WDPCP: variants seen among roughly 807,000 people sequenced by gnomAD.
The protein encoded by WDPCP is WD repeat-containing and planar cell polarity effector protein fritz homolog.
Under a neutral mutation model 93.1 loss-of-function variants are expected in WDPCP, and 71 were observed. The observed-to-expected ratio is 0.76, with a 90% CI of 0.63 to 0.93. WDPCP has a LOEUF of 0.93. Ranked by LOEUF, WDPCP falls within the 40% of genes least tolerant of loss-of-function variation. The probability of loss-of-function intolerance (pLI) is 0.00; values close to 1 mark genes in which losing one functional copy is unlikely to be tolerated. For missense variants in WDPCP, 844 were observed against 887.4 expected, an observed-to-expected ratio of 0.95 and a Z score of 0.62; for synonymous variants, 315 against 315.0, an observed-to-expected ratio of 1.00 and a Z score of 0.00.
At chr2:63,635,845 G>C (rs1047104600) in intron 3 of WDPCP, among the ~76,000 whole-genome samples, 3 of 152,122 alleles carry the variant, frequency 2.0e-5, no homozygotes, top group Non-Finnish European at 4.4e-5. Context: ...CATAGTACTG[G>C]AAGTCCTAGC....
intron 1 of WDPCP, among the ~76,000 whole-genome samples, chr2:63,520,896 CA>C (rs3051721): frequency 0.54 from 53,375 of 99,722 alleles, 13,389 homozygotes; most frequent in African/African-American, 0.75. Flanking sequence ...GACCCTATCT[CA>C]AAAAAAAAAA....
At chr2:63,124,753 G>A (rs1669776180) in intron 17 of WDPCP, among the ~76,000 whole-genome samples, 2 of 152,110 alleles carry the variant, frequency 1.3e-5, no homozygotes. Flanking sequence ...TCCCTAATCT[G>A]AAATTGTTTT....
In WDPCP at chr2:63,671,874, T is replaced by C. The variant is rs567122070; in HGVS notation, n.309-21036A>G. 3.9e-5 allele frequency among the ~76,000 whole-genome samples: 6 copies of C among 152,264 alleles called. No individual in the cohort carries two copies. The South Asian group carries it at 1.2e-3, about 32-fold the overall frequency. On this transcript the variant is annotated intron_variant and non_coding_transcript_variant, in intron 2 of 4. Coordinates refer to the WDPCP transcript ENST00000467687. ...TTATACTAACAGACCCTTACCATGC[T>C]CTGAGTGTGATGTAAACACTTCGGT... is the stretch of plus-strand genomic sequence containing the variant.
At chr2:63,463,510 A>G (rs1699154004) in intron 6 of WDPCP, among the ~76,000 whole-genome samples, 1 of 152,216 alleles carries the variant, frequency 6.6e-6, no homozygotes, top group African/African-American at 2.4e-5. Context: ...CTGACTGGGA[A>G]TATCAAGGGC....
At position 63,711,914 on chromosome 2, in the gene WDPCP, C is replaced by G. The variant is rs1440550950; in HGVS notation, n.309-61076G>C. 2.0e-5 allele frequency among the ~76,000 whole-genome samples: 3 copies of G among 152,212 alleles called. No homozygotes were observed. The East Asian group carries it at 5.8e-4, about 29-fold the overall frequency. On this transcript the variant is annotated intron_variant and non_coding_transcript_variant, in intron 2 of 4. Transcript: ENST00000467687. ...TGGAGAAACCGGGCCCTCCCACAAA[C>G]TCCCTTGCTACTGCTGCTGGGATCA...
At chr2:63,125,948 T>G (rs13402830) in intron 17 of WDPCP, among the ~76,000 whole-genome samples, 2,790 of 150,752 alleles carry the variant, frequency 0.019, 94 homozygotes, top group African/African-American at 0.065. Flanking sequence ...TTTTTTTTTT[T>G]TTTTGAGATA....
intron 1 of WDPCP, among the ~76,000 whole-genome samples, chr2:63,495,073 A>T (rs1701146293): frequency 6.6e-6 from 1 of 152,072 alleles, no homozygotes. Context: ...TCTTCCGTGC[A>T]TTAAATGCCT....
At chr2:63,840,490 T>G in the WDPCP span, among the ~76,000 whole-genome samples, 2 of 152,222 alleles carry the variant, frequency 1.3e-5, no homozygotes, top group Non-Finnish European at 2.9e-5. Context: ...CACTTGTCAC[T>G]TTCTTCAATG....
At chr2:63,619,506 TC>T (rs1709709115) in intron 3 of WDPCP, among the ~76,000 whole-genome samples, 3 of 152,182 alleles carry the variant, frequency 2.0e-5, no homozygotes, top group African/African-American at 7.2e-5. Flanking sequence ...CAGCATTGCC[TC>T]CCTTTGAACT....
intron 9 of WDPCP, among the ~76,000 whole-genome samples, chr2:63,416,212 T>C (rs1376066320): frequency 6.6e-6 from 1 of 151,876 alleles, no homozygotes; most frequent in Non-Finnish European, 1.5e-5. Context: ...TTTTTTTTTT[T>C]CTTTTGAAAC....
chr2:63,714,528 A>T (rs1669307250), intron 2 of WDPCP, among the ~76,000 whole-genome samples: 1 of 152,218 alleles, frequency 6.6e-6, no homozygotes, highest in Non-Finnish European at 1.5e-5. Context: ...ATTACCATAC[A>T]ACCCAGCAAT....
chr2:63,417,447 T>G (rs1311959663), intron 9 of WDPCP, among the ~76,000 whole-genome samples: 1 of 152,008 alleles, frequency 6.6e-6, no homozygotes, highest in Non-Finnish European at 1.5e-5. Context: ...TTATTTTTAT[T>G]CATACTTAAC....
chr2:63,230,576 C>T (rs1210276510), intron 14 of WDPCP, among the ~76,000 whole-genome samples: 1 of 152,082 alleles, frequency 6.6e-6, no homozygotes, highest in African/African-American at 2.4e-5. Context: ...GTTCCTATTT[C>T]TCCACATCCT....
upstream of WDPCP, among the ~76,000 whole-genome samples, chr2:63,831,176 T>C (rs1169014325): frequency 1.3e-5 from 2 of 152,196 alleles, no homozygotes; most frequent in African/African-American, 4.8e-5. Flanking sequence ...AATATATCTC[T>C]AAACTCTTAA....
intron 12 of WDPCP, among the ~76,000 whole-genome samples, chr2:63,357,752 C>T (rs933880890): frequency 6.6e-6 from 1 of 152,150 alleles, no homozygotes; most frequent in Non-Finnish European, 1.5e-5. Flanking sequence ...AATCTCATTA[C>T]TGGGTATATA....
intron 15 of WDPCP, 24 bp downstream of exon 15, chr2:63,174,646 T>C (rs1574799840): frequency 1.2e-6 from 2 of 1,613,290 alleles, no homozygotes; most frequent in Non-Finnish European, 1.7e-6. Context: ...TATGGAGCAA[T>C]TTCCTCAGTT....
chr2:63,476,706 A>C (rs550058444), intron 6 of WDPCP, among the ~76,000 whole-genome samples: 43 of 152,316 alleles, frequency 2.8e-4, no homozygotes, highest in African/African-American at 1.0e-3. Context: ...TTTTGTATAA[A>C]TAATAAGCTA....
At chr2:63,526,558 T>C (rs777559111) in intron 1 of WDPCP, among the ~76,000 whole-genome samples, 21 of 152,206 alleles carry the variant, frequency 1.4e-4, no homozygotes, top group Admixed American at 2.6e-4. Context: ...TTTACCATTT[T>C]CCTCCATAGC....
intron 10 of WDPCP, among the ~76,000 whole-genome samples, chr2:63,390,385 G>A (rs979115689): frequency 6.6e-6 from 1 of 151,696 alleles, no homozygotes; most frequent in Admixed American, 6.6e-5. Context: ...AAAATCTCTG[G>A]GACACATTTA....
Sources: allele counts gnomAD v4.1 joint callset (sites outside exome capture counted in the v4.1 genomes callset), GRCh38; gene constraint gnomAD v4.1.1; transcripts MANE v1.5; gene names NCBI Gene and HGNC (gene_info 2026-07-23, HGNC 2026-07-21).